Variants in GRIN2B observed in about 807,000 individuals in gnomAD.
GRIN2B encodes the protein glutamate receptor ionotropic, NMDA 2B.
A neutral mutation model predicts 114.5 loss-of-function variants in GRIN2B; 5 were observed. That is an observed-to-expected ratio of 0.04 (90% CI 0.02 to 0.09). The LOEUF is 0.09. Ranked by LOEUF, GRIN2B falls within the 10% of genes least tolerant of loss-of-function variation. GRIN2B has a pLI of 1.00. For missense variants in GRIN2B, 1,108 were observed against 1,943.5 expected (o/e 0.57, Z 8.08); for synonymous variants, 787 against 745.1 (o/e 1.06, Z -0.92).
rs1949431054 is a variant in GRIN2B at position 13,615,770 on chromosome 12, C to T, written c.1329-106G>A. 1.3e-5 allele frequency: 12 copies of T among 897,446 alleles called. No homozygotes were observed. The highest frequency in any genetic ancestry group is 2.1e-5 in the Non-Finnish European group (11 of 533,114). The allele number at this position is 897,446 out of a possible 1,614,324, so 55.6% of individuals were successfully genotyped here. Reference sequence around the variant, plus strand: ...AAAAACCTCCAATCCCAAAGCAGGCCCCCTTCACAGCTCAGCACAATTTAT... The same window carrying T: ...AAAAACCTCCAATCCCAAAGCAGGCTCCCTTCACAGCTCAGCACAATTTAT... On this transcript the variant is annotated intron_variant, in intron 6 of 13. Coordinates refer to ENST00000609686, the MANE Select transcript of GRIN2B (RefSeq NM_000834.5). The surrounding 1 kb of genome is among the most constrained non-coding windows in gnomAD (Gnocchi z 5.8).
At chr12:13,940,969 T>C (rs946259771) in intron 2 of GRIN2B, among the ~76,000 whole-genome samples, 3 of 152,034 alleles carry the variant, frequency 2.0e-5, no homozygotes, top group Non-Finnish European at 4.4e-5. Context: ...TAACCCTCTC[T>C]CCAATTTCCC....
At chr12:13,855,401 C>T (rs145814070) in intron 3 of GRIN2B, among the ~76,000 whole-genome samples, 9 of 152,244 alleles carry the variant, frequency 5.9e-5, no homozygotes, top group Non-Finnish European at 1.0e-4. Context: ...TCCAGAACTC[C>T]CTCACTTAAC....
At chr12:13,803,643 C>A (rs556610827) in intron 3 of GRIN2B, among the ~76,000 whole-genome samples, 1 of 152,236 alleles carries the variant, frequency 6.6e-6, no homozygotes, top group African/African-American at 2.4e-5. Flanking sequence ...AACGTAAAAA[C>A]TGTAATAAAA....
chr12:13,868,885 G>C (rs1302575553), intron 2 of GRIN2B, among the ~76,000 whole-genome samples: 1 of 152,172 alleles, frequency 6.6e-6, no homozygotes, highest in Non-Finnish European at 1.5e-5. Context: ...GAGACAAAGA[G>C]GCTACTTTGA....
chr12:13,924,590 G>A (rs1399119688), intron 2 of GRIN2B, among the ~76,000 whole-genome samples: 3 of 152,146 alleles, frequency 2.0e-5, no homozygotes, highest in Admixed American at 1.3e-4. Flanking sequence ...CTCTCTCCTG[G>A]CCAATGCTAA....
intron 2 of GRIN2B, among the ~76,000 whole-genome samples, chr12:13,972,612 C>T (rs1016632635): frequency 1.3e-5 from 2 of 152,158 alleles, no homozygotes; most frequent in African/African-American, 4.8e-5. Flanking sequence ...CTCTTGGGGG[C>T]AGGGCACGGG....
At chr12:13,873,772 C>G (rs1047604257) in intron 2 of GRIN2B, among the ~76,000 whole-genome samples, 3 of 152,130 alleles carry the variant, frequency 2.0e-5, no homozygotes, top group Non-Finnish European at 4.4e-5. Context: ...GAGTGACCCA[C>G]ATGACAATAA....
At chr12:13,893,142 T>G (rs1866291648) in intron 2 of GRIN2B, among the ~76,000 whole-genome samples, 1 of 152,208 alleles carries the variant, frequency 6.6e-6, no homozygotes, top group African/African-American at 2.4e-5. Flanking sequence ...GATTAAATTG[T>G]TTTGAACAGC....
intron 5 of GRIN2B, among the ~76,000 whole-genome samples, chr12:13,658,256 T>C (rs1052412132): frequency 6.6e-6 from 1 of 150,688 alleles, no homozygotes; most frequent in Admixed American, 6.6e-5. Context: ...AATATAAAGA[T>C]AAAAGGACTA....
chr12:13,883,688 T>C (rs772746978), intron 2 of GRIN2B, among the ~76,000 whole-genome samples: 2 of 152,142 alleles, frequency 1.3e-5, no homozygotes, highest in African/African-American at 2.4e-5. Context: ...ATTCTAGATA[T>C]GTCCTTTATA....
At chr12:13,818,434 A>C (rs1864870552) in intron 3 of GRIN2B, among the ~76,000 whole-genome samples, 1 of 152,242 alleles carries the variant, frequency 6.6e-6, no homozygotes, top group South Asian at 2.1e-4. Flanking sequence ...CTGCAAGCCT[A>C]GAGGCAAGGC....
intron 2 of GRIN2B, among the ~76,000 whole-genome samples, chr12:13,927,149 C>T (rs1866932688): frequency 6.6e-6 from 1 of 152,048 alleles, no homozygotes; most frequent in South Asian, 2.1e-4. Flanking sequence ...AAAATATTTA[C>T]TGAAAGAAAT....
chr12:13,767,092 T>C (rs766287856), intron 3 of GRIN2B, among the ~76,000 whole-genome samples: 1 of 151,610 alleles, frequency 6.6e-6, no homozygotes, highest in Non-Finnish European at 1.5e-5. Flanking sequence ...CCGTCTCTAC[T>C]AAAAAATACA....
At position 13,547,459 on chromosome 12, in the gene GRIN2B, A is replaced by C. The variant is rs895637779; in HGVS notation, c.*15324T>G. 12 of 152,306 alleles carry C rather than the reference A, an allele frequency of 7.9e-5. No individual in the cohort carries two copies. The highest frequency in any genetic ancestry group is 4.6e-4 in the Admixed American group (7 of 15,296). The allele number at this position is 152,306 out of a possible 1,614,324, so 9.4% of individuals were successfully genotyped here. ...GATGAAAACTGCAAAGACCCTTGGG[A>C]TTAAATGAAATCTGCTGATTCTACT... On this transcript the variant is annotated 3_prime_UTR_variant, in exon 14 of 14. Coordinates refer to ENST00000609686, the MANE Select transcript of GRIN2B (RefSeq NM_000834.5).
chr12:13,759,980 A>C (rs1863648420), intron 3 of GRIN2B, among the ~76,000 whole-genome samples: 1 of 152,120 alleles, frequency 6.6e-6, no homozygotes, highest in Admixed American at 6.5e-5. Flanking sequence ...TTCTCCAGCT[A>C]CCCAGGTATC....
intron 3 of GRIN2B, among the ~76,000 whole-genome samples, chr12:13,794,313 C>T (rs970270613): frequency 9.2e-5 from 14 of 152,044 alleles, no homozygotes; most frequent in African/African-American, 9.7e-5. Context: ...AGTTTCCCCA[C>T]GTCTACATTC....
intron 2 of GRIN2B, among the ~76,000 whole-genome samples, chr12:13,885,945 G>A (rs563111445): frequency 6.6e-6 from 1 of 152,292 alleles, no homozygotes; most frequent in South Asian, 2.1e-4. Flanking sequence ...TCCCAGGCCA[G>A]GTGATGTGGA....
chr12:13,770,319 CA>C (rs1863881881), intron 3 of GRIN2B, among the ~76,000 whole-genome samples: 1 of 152,132 alleles, frequency 6.6e-6, no homozygotes, highest in African/African-American at 2.4e-5. Flanking sequence ...ATGATCACTT[CA>C]AAAGAATTTA....
chr12:13,910,208 A>T (rs1297225176), intron 2 of GRIN2B, among the ~76,000 whole-genome samples: 1 of 152,188 alleles, frequency 6.6e-6, no homozygotes, highest in Non-Finnish European at 1.5e-5. Context: ...AATGATGCAC[A>T]TTACAGATGG....
Sources: allele counts gnomAD v4.1 joint callset (sites outside exome capture counted in the v4.1 genomes callset), GRCh38; gene constraint gnomAD v4.1.1; non-coding constraint Gnocchi (gnomAD v3.1); transcripts MANE v1.5; gene names NCBI Gene and HGNC (gene_info 2026-07-23, HGNC 2026-07-21).